The following DLGAP1 variants were observed in gnomAD, a reference collection of about 807,000 sequenced individuals.
The protein encoded by DLGAP1 is disks large-associated protein 1.
Under a neutral mutation model 90.8 loss-of-function variants are expected in DLGAP1, and 11 were observed. The observed-to-expected ratio is 0.12, with a 90% CI of 0.08 to 0.20. The LOEUF is 0.20. DLGAP1 is among the 10% of genes least tolerant of loss of function. The pLI is 1.00. For missense variants in DLGAP1, 1,050 were observed against 1,333.8 expected, an observed-to-expected ratio of 0.79 and a Z score of 3.31; for synonymous variants, 558 against 540.7, an observed-to-expected ratio of 1.03 and a Z score of -0.44.
At chr18:3,823,235 C>A (rs1450382566) in intron 4 of DLGAP1, among the ~76,000 whole-genome samples, 1 of 152,060 alleles carries the variant, frequency 6.6e-6, no homozygotes, top group Non-Finnish European at 1.5e-5. Flanking sequence ...TGGCTCAGGG[C>A]AGAGGTGAAT....
chr18:4,097,664 A>T (rs1276300712), intron 2 of DLGAP1, among the ~76,000 whole-genome samples: 1 of 152,120 alleles, frequency 6.6e-6, no homozygotes, highest in Non-Finnish European at 1.5e-5. Flanking sequence ...CCAGTTAAGA[A>T]CTCTAGCACA....
intron 10 of DLGAP1, among the ~76,000 whole-genome samples, chr18:3,532,513 CG>C (rs1158812906): frequency 2.7e-5 from 4 of 150,182 alleles, no homozygotes; most frequent in African/African-American, 9.8e-5. Context: ...TGGAGGCAGA[CG>C]TTGCGGTGAG....
At chr18:4,354,429 T>A (rs1322613687) in intron 1 of DLGAP1, among the ~76,000 whole-genome samples, 1 of 152,142 alleles carries the variant, frequency 6.6e-6, no homozygotes, top group Non-Finnish European at 1.5e-5. Context: ...CGCCCTAGTT[T>A]TATTACCCTT....
intron 1 of DLGAP1, among the ~76,000 whole-genome samples, chr18:4,201,574 C>G (rs188443322): frequency 2.7e-3 from 413 of 152,136 alleles, no homozygotes; most frequent in African/African-American, 9.8e-3. Flanking sequence ...CAACTTTGTT[C>G]TTTTTGCTTA....
At chr18:3,934,096 G>T (rs1425591584) in intron 3 of DLGAP1, among the ~76,000 whole-genome samples, 1 of 151,068 alleles carries the variant, frequency 6.6e-6, no homozygotes, top group East Asian at 1.9e-4. Context: ...TTTATTTAGT[G>T]AATTTGCCTA....
At chr18:3,669,785 G>A (rs998457128) in intron 7 of DLGAP1, among the ~76,000 whole-genome samples, 27 of 152,180 alleles carry the variant, frequency 1.8e-4, no homozygotes, top group Admixed American at 1.3e-4. Flanking sequence ...GGTGCACCAA[G>A]GCAAGAACCC....
At chr18:4,188,686 G>T (rs2077342718) in intron 1 of DLGAP1, among the ~76,000 whole-genome samples, 1 of 152,110 alleles carries the variant, frequency 6.6e-6, no homozygotes, top group African/African-American at 2.4e-5. Context: ...TGGTGTAGGT[G>T]CGCCACATTT....
At chr18:3,830,442 G>T (rs999975069) in intron 4 of DLGAP1, among the ~76,000 whole-genome samples, 2 of 152,140 alleles carry the variant, frequency 1.3e-5, no homozygotes, top group Non-Finnish European at 2.9e-5. Context: ...GCACATGCCT[G>T]CAATCCCAGC....
At chr18:3,834,142 T>C (rs1325316771) in intron 4 of DLGAP1, among the ~76,000 whole-genome samples, 1 of 151,766 alleles carries the variant, frequency 6.6e-6, no homozygotes, top group Non-Finnish European at 1.5e-5. Flanking sequence ...CCGTCTCTAC[T>C]AAAAATACAA....
chr18:4,249,183 A>G (rs2145183618), intron 1 of DLGAP1, among the ~76,000 whole-genome samples: 1 of 152,184 alleles, frequency 6.6e-6, no homozygotes. Flanking sequence ...TCATTGCTGT[A>G]TACTCCCTCC....
At position 3,612,268 on chromosome 18, in the gene DLGAP1, C is replaced by A. The variant is rs75582484; in HGVS notation, c.1592-30020G>T. On this transcript the variant is annotated intron_variant, in intron 7 of 12. Transcript: ENST00000315677. ...TTACCTAGGGAAGGTTGCTGAATCTCTATAAACATCTGGTTTTTATTGTCT... is the reference window on the plus strand; with the variant it reads ...TTACCTAGGGAAGGTTGCTGAATCTATATAAACATCTGGTTTTTATTGTCT... Among the ~76,000 whole-genome samples, 3 of 152,202 alleles carry A rather than the reference C, an allele frequency of 2.0e-5. No homozygotes were observed. The East Asian group carries it at 5.8e-4, about 29-fold the overall frequency.
At chr18:3,902,162 T>G (rs144040973) in intron 3 of DLGAP1, among the ~76,000 whole-genome samples, 1 of 152,226 alleles carries the variant, frequency 6.6e-6, no homozygotes, top group African/African-American at 2.4e-5. Context: ...GATTGTGTAT[T>G]TTGAACACCC....
intron 7 of DLGAP1, among the ~76,000 whole-genome samples, chr18:3,645,713 A>G (rs939746346): frequency 2.6e-5 from 4 of 152,196 alleles, no homozygotes; most frequent in Non-Finnish European, 5.9e-5. Flanking sequence ...TGCATTCATT[A>G]TATTAAGTCA....
At chr18:4,370,791 T>G (rs1196627116) in intron 1 of DLGAP1, among the ~76,000 whole-genome samples, 1 of 152,168 alleles carries the variant, frequency 6.6e-6, no homozygotes, top group Admixed American at 6.5e-5. Context: ...AAATAAGACC[T>G]GTTTGTGATA....
At chr18:4,123,722 C>T (rs1345078660) in intron 2 of DLGAP1, among the ~76,000 whole-genome samples, 1 of 151,872 alleles carries the variant, frequency 6.6e-6, no homozygotes, top group Non-Finnish European at 1.5e-5. Flanking sequence ...AAGCGGAGGG[C>T]CCTCCTCTCC....
intron 7 of DLGAP1, chr18:3,656,356 A>G (rs1411227948): frequency 6.4e-6 from 3 of 470,232 alleles, no homozygotes; most frequent in African/African-American, 5.9e-5. Flanking sequence ...ATGGGATCAA[A>G]CATGTTTTTG....
chr18:3,925,285 A>T (rs80039364), intron 3 of DLGAP1, among the ~76,000 whole-genome samples: 1 of 145,100 alleles, frequency 6.9e-6, no homozygotes, highest in Non-Finnish European at 1.5e-5. Flanking sequence ...GATTTGTGGG[A>T]TTTTTTTTTT....
At chr18:4,242,279 T>C (rs1300754512) in intron 1 of DLGAP1, among the ~76,000 whole-genome samples, 1 of 152,174 alleles carries the variant, frequency 6.6e-6, no homozygotes, top group Non-Finnish European at 1.5e-5. Context: ...AAGATTCATC[T>C]TGAAATATTT....
chr18:4,447,259 A>AC (rs200277608), intron 1 of DLGAP1, among the ~76,000 whole-genome samples: 28,933 of 152,040 alleles, frequency 0.19, 2,922 homozygotes, highest in East Asian at 0.46. Context: ...TCCATCAACA[A>AC]AGATTGATAC....
Sources: gnomAD v4.1 joint callset for allele counts (sites outside exome capture counted in the v4.1 genomes callset) on GRCh38, gnomAD v4.1.1 for gene constraint, MANE v1.5 for transcripts, NCBI Gene and HGNC (gene_info 2026-07-23, HGNC 2026-07-21) for gene names.